SYN2: variants seen among roughly 807,000 people sequenced by gnomAD.
The protein encoded by SYN2 is synapsin II.
Under a neutral mutation model 50.9 loss-of-function variants are expected in SYN2, and 19 were observed. The observed-to-expected ratio is 0.37, with a 90% CI of 0.26 to 0.55. The LOEUF is 0.55. Ranked by LOEUF, SYN2 falls within the 20% of genes least tolerant of loss-of-function variation. The pLI, the probability that SYN2 is intolerant of heterozygous loss-of-function variation, is 0.81. For synonymous variants in SYN2, 255 were observed against 224.9 expected (o/e 1.13, Z -1.20); for missense variants, 587 against 576.4 (o/e 1.02, Z -0.19).
At chr3:12,118,287 G>T (rs1696479360) in intron 1 of SYN2, among the ~76,000 whole-genome samples, 2 of 152,306 alleles carry the variant, frequency 1.3e-5, no homozygotes, top group East Asian at 1.9e-4. Flanking sequence ...ACACAGGCTT[G>T]GTGCAGTGAC....
intron 1 of SYN2, among the ~76,000 whole-genome samples, chr3:12,039,548 G>GAT (rs1694567000): frequency 1.6e-5 from 1 of 63,560 alleles, no homozygotes; most frequent in Admixed American, 2.2e-4. Flanking sequence ...AAGAAGCAAA[G>GAT]ATTTTTTTTT....
At chr3:12,141,506 T>C (rs920657625) in intron 2 of SYN2, among the ~76,000 whole-genome samples, 1 of 152,210 alleles carries the variant, frequency 6.6e-6, no homozygotes, top group African/African-American at 2.4e-5. Context: ...AACTAAAAAC[T>C]AGTTACCTAA....
intron 1 of SYN2, among the ~76,000 whole-genome samples, chr3:12,082,588 A>T (rs1574929965): frequency 6.6e-6 from 1 of 152,238 alleles, no homozygotes; most frequent in African/African-American, 2.4e-5. Flanking sequence ...AGGCTGACTT[A>T]AGAAGTAAGT....
chr3:12,070,797 C>T (rs1375904886), intron 1 of SYN2: 19 of 627,600 alleles, frequency 3.0e-5, no homozygotes, highest in Admixed American at 5.6e-5. Flanking sequence ...ACCTGACTGA[C>T]TACCTCATGA....
intron 1 of SYN2, among the ~76,000 whole-genome samples, chr3:12,110,867 G>A (rs921990502): frequency 3.3e-5 from 5 of 152,208 alleles, no homozygotes; most frequent in Non-Finnish European, 4.4e-5. Flanking sequence ...TTGTATCTGG[G>A]AAGTAACTAA....
chr3:12,004,612 G>C lies in SYN2; in HGVS notation c.61G>C (p.Gly21Arg). 1 of 652,434 alleles carries C rather than the reference G, an allele frequency of 1.5e-6. No individual in the cohort carries two copies. Among genetic ancestry groups the C allele is most frequent in the Admixed American group, 2.2e-5 (1 of 46,340 alleles). 40.4% of individuals were successfully genotyped at this position (652,434 alleles called of 1,614,324 possible). A position where few individuals can be genotyped will look rare whatever the true frequency, so the allele number is the denominator to read the frequency against. ...CAGCTTCATCGCCAACCTGCCCAACGGCTACATGACCGACCTGCAGCGGCC... is the reference window on the plus strand; with the variant it reads ...CAGCTTCATCGCCAACCTGCCCAACCGCTACATGACCGACCTGCAGCGGCC... The part of the protein sequence containing the change: ...DSSFIANLPN[G>R]YMTDLQRPEP... Residue 21 changes from glycine to arginine, a missense_variant, in exon 1 of 13, where the codon GGC (glycine) becomes CGC (arginine). Coordinates refer to ENST00000621198, the MANE Select transcript of SYN2 (RefSeq NM_133625.6).
intron 1 of SYN2, among the ~76,000 whole-genome samples, chr3:12,039,644 A>G (rs941636670): frequency 3.3e-5 from 5 of 150,158 alleles, no homozygotes; most frequent in Admixed American, 2.7e-4. Flanking sequence ...AAATAAAGCA[A>G]TGGATTTTTT....
chr3:12,095,667 C>A, intron 1 of SYN2, among the ~76,000 whole-genome samples: 1 of 146,956 alleles, frequency 6.8e-6, no homozygotes, highest in Non-Finnish European at 1.5e-5. Flanking sequence ...GTTGACCATT[C>A]CTTCTTCTTT....
Position 12,167,252 on chromosome 3 carries a change from G to A in SYN2, c.999G>A (p.Gly333=), listed in dbSNP as rs751433622. 1.2e-6 allele frequency: 2 copies of A among 1,613,052 alleles called. No individual in the cohort carries two copies. Among genetic ancestry groups the A allele is most frequent in the South Asian group, 2.2e-5 (2 of 90,536 alleles). The change falls in exon 8 of 13, where the codon GGG becomes GGA. Residue 333 remains glycine (G), a synonymous_variant. Coordinates refer to ENST00000621198, the MANE Select transcript of SYN2 (RefSeq NM_133625.6). ...YKAYMRTSIS[G]NWKTNTGSAM... The stretch of plus-strand genomic sequence containing the variant: ...GTTGCAGGAGGACATCGATCTCAGG[G>A]AACTGGAAGACGAACACTGGCTCTG...
intron 1 of SYN2, among the ~76,000 whole-genome samples, chr3:12,118,394 C>T: frequency 6.6e-6 from 1 of 152,118 alleles, no homozygotes; most frequent in East Asian, 1.9e-4. Context: ...GAGACCCTGT[C>T]TCTAAAAATA....
At chr3:12,101,406 A>T (rs574407418) in intron 1 of SYN2, among the ~76,000 whole-genome samples, 3 of 152,302 alleles carry the variant, frequency 2.0e-5, no homozygotes, top group African/African-American at 7.2e-5. Context: ...ACATTGAATG[A>T]TTTCATTTAT....
chr3:12,183,869 C>A, intron 11 of SYN2: 3 of 1,020,238 alleles, frequency 2.9e-6, no homozygotes, highest in Non-Finnish European at 3.5e-6. Context: ...TCAGTTAAAT[C>A]CCCCACCTCC....
Position 12,158,711 on chromosome 3 carries a change from A to T in SYN2, c.775-2835A>T, listed in dbSNP as rs769116293. ...CGGACCTCGGACTCACCAAGTGCCG[A>T]GTGGCAGATGTGCTGCTGAGGGTGC... On this transcript the variant is annotated intron_variant, in intron 5 of 12. Coordinates refer to ENST00000621198, the MANE Select transcript of SYN2 (RefSeq NM_133625.6). 3.7e-6 allele frequency: 6 copies of T among 1,610,214 alleles called. No individual in the cohort carries two copies. In the South Asian group the frequency reaches 6.6e-5, roughly 18 times the overall value.
intron 5 of SYN2, among the ~76,000 whole-genome samples, 168 bp from the exon 6 acceptor site, chr3:12,161,378 G>A (rs187149119): frequency 6.6e-6 from 1 of 152,300 alleles, no homozygotes; most frequent in East Asian, 1.9e-4. Flanking sequence ...GTGACCCTGG[G>A]AACTCACTGT....
chr3:12,095,929 GC>G (rs373741928), intron 1 of SYN2, among the ~76,000 whole-genome samples: 124 of 152,200 alleles, frequency 8.1e-4, no homozygotes, highest in African/African-American at 2.8e-3. Context: ...ATCCCCACTT[GC>G]AGTTCTTATG....
chr3:12,137,256 A>C (rs1574960513), intron 1 of SYN2, among the ~76,000 whole-genome samples: 1 of 152,078 alleles, frequency 6.6e-6, no homozygotes, highest in East Asian at 1.9e-4. Context: ...TCAAAAAAAA[A>C]AAAAAAAAAG....
At chr3:12,100,210 T>C (rs1258992445) in intron 1 of SYN2, among the ~76,000 whole-genome samples, 1 of 152,154 alleles carries the variant, frequency 6.6e-6, no homozygotes, top group Non-Finnish European at 1.5e-5. Flanking sequence ...AACTGGAGAA[T>C]TCCCATTTCC....
At chr3:12,044,181 T>TCTCTCA (rs573246278) in intron 1 of SYN2, among the ~76,000 whole-genome samples, 51 of 53,404 alleles carry the variant, frequency 9.5e-4, no homozygotes, top group South Asian at 2.3e-3. Context: ...TCTCTCTCTC[T>TCTCTCA]CACACACACA....
chr3:12,076,174 C>T (rs947883813), intron 1 of SYN2, among the ~76,000 whole-genome samples: 1 of 152,002 alleles, frequency 6.6e-6, no homozygotes, highest in African/African-American at 2.4e-5. Context: ...TGCCTTTAAG[C>T]GCTGGGGAAA....
Sources: allele counts gnomAD v4.1 joint callset (sites outside exome capture counted in the v4.1 genomes callset), GRCh38; gene constraint gnomAD v4.1.1; transcripts MANE v1.5; gene names NCBI Gene and HGNC (gene_info 2026-07-23, HGNC 2026-07-21).